Variants in ALOX5 observed in about 807,000 individuals in gnomAD.
The protein encoded by ALOX5 is arachidonate 5-lipoxygenase, also known as polyunsaturated fatty acid 5-lipoxygenase.
Under a neutral mutation model 87.9 loss-of-function variants are expected in ALOX5, and 64 were observed. The observed-to-expected ratio is 0.73, with a 90% CI of 0.60 to 0.90. The LOEUF (loss-of-function observed/expected upper bound fraction) is 0.90, where lower values mean the gene tolerates loss of function less well. Among genes scored for constraint, ALOX5 ranks in the 40% least tolerant of loss-of-function variants. ALOX5 has a pLI of 0.00. For synonymous variants in ALOX5, 388 were observed against 355.1 expected (o/e 1.09, Z -1.04); for missense variants, 822 against 907.5 (o/e 0.91, Z 1.21).
chr10:45,379,066 C>T (rs577920498), intron 1 of ALOX5, among the ~76,000 whole-genome samples: 246 of 152,260 alleles, frequency 1.6e-3, no homozygotes, highest in African/African-American at 5.6e-3. Flanking sequence ...TGTCCACTCC[C>T]TCAGAGAAGC....
chr10:45,428,814 C>T (rs1436903125), intron 7 of ALOX5, 50 bp downstream of exon 7: 2 of 1,603,598 alleles, frequency 1.2e-6, no homozygotes, highest in East Asian at 2.2e-5. Context: ...CCTCTGCGAT[C>T]CAGGGCTCCT....
intron 6 of ALOX5, 65 bp from the exon 7 acceptor site, chr10:45,428,553 C>T (rs1177834223): frequency 1.3e-6 from 2 of 1,597,666 alleles, no homozygotes; most frequent in South Asian, 1.1e-5. Context: ...ATCACTCTTT[C>T]CCCAGGCCTG....
chr10:45,413,224 C>T (rs1841138931), intron 4 of ALOX5, among the ~76,000 whole-genome samples: 1 of 152,156 alleles, frequency 6.6e-6, no homozygotes, highest in Non-Finnish European at 1.5e-5. Context: ...TCCAGCAGTA[C>T]ATCAGAAAGC....
chr10:45,444,237 G>C lies in ALOX5; in HGVS notation c.1796G>C (p.Cys599Ser). The C allele has an allele frequency of 6.4e-7, 1 of 1,555,244 alleles. No individual in the cohort carries two copies. Among genetic ancestry groups the C allele is most frequent in the Non-Finnish European group, 8.7e-7 (1 of 1,149,312 alleles). ...VDTLPDRGRS[C>S]WHLGAVWALS... is the part of the protein sequence containing the mutation. ...ACGCTGCCCGACCGCGGCCGCTCCT[G>C]CTGGCATCTGGGTGCAGTGTGGGCG... The change falls in exon 13 of 14, where the codon TGC becomes TCC. Residue 599 changes from cysteine (C) to serine (S), a missense_variant. Coordinates refer to ENST00000374391, the MANE Select transcript of ALOX5 (RefSeq NM_000698.5).
At chr10:45,443,001 G>C (rs995514178) in intron 9 of ALOX5, 37 bp from the exon 10 acceptor site, 2 of 1,588,006 alleles carry the variant, frequency 1.3e-6, no homozygotes, top group Non-Finnish European at 8.6e-7. Flanking sequence ...GCTGTGGGAG[G>C]AGCCACCCGC....
intron 3 of ALOX5, among the ~76,000 whole-genome samples, chr10:45,409,494 T>G (rs1840988145): frequency 6.9e-6 from 1 of 145,418 alleles, no homozygotes; most frequent in South Asian, 2.2e-4. Context: ...CCCCTTAGGA[T>G]CTCTCTGTCT....
Position 45,441,442 on chromosome 10 carries a change from C to T in ALOX5, c.1272+12C>T. 1 of 1,611,626 alleles carries T rather than the reference C, an allele frequency of 6.2e-7. No homozygotes were observed. On this transcript the variant is annotated intron_variant, in intron 9 of 13. Transcript: ENST00000374391. The stretch of plus-strand genomic sequence containing the variant: ...GCCTCTTTGACAAGGTGGGTGCCCT[C>T]CTACCCTACTTGTTGCCTGGAAGAG...
At chr10:45,398,758 C>A (rs776901462) in intron 3 of ALOX5, among the ~76,000 whole-genome samples, 1 of 152,146 alleles carries the variant, frequency 6.6e-6, no homozygotes, top group Non-Finnish European at 1.5e-5. Context: ...ATCAACACCA[C>A]AATGAGATAC....
At position 45,424,989 on chromosome 10, in the gene ALOX5, C is replaced by A. The variant is rs1276115705; in HGVS notation, c.691C>A (p.Leu231Met). ...GGTCATGAATCACTGGCAGGAAGAC[C>A]TGATGTTTGGCTACCAGTTCCTGAA... Reference protein sequence around the residue: ...ERVMNHWQEDLMFGYQFLNGC... With the variant: ...ERVMNHWQEDMMFGYQFLNGC... Residue 231 changes from leucine (L) to methionine (M), a missense_variant, in exon 6 of 14, where the codon CTG becomes ATG. Coordinates refer to ENST00000374391, the MANE Select transcript of ALOX5 (RefSeq NM_000698.5). 3 of 1,614,228 alleles carry A rather than the reference C, an allele frequency of 1.9e-6. No individual in the cohort carries two copies. The South Asian group carries it at 3.3e-5, about 18-fold the overall frequency.
intron 4 of ALOX5, among the ~76,000 whole-genome samples, chr10:45,419,556 G>A: frequency 6.6e-6 from 1 of 152,234 alleles, no homozygotes; most frequent in Non-Finnish European, 1.5e-5. Flanking sequence ...AGACGACCCA[G>A]CTACATGGAT....
At position 45,382,627 on chromosome 10, in the gene ALOX5, C is replaced by T. The variant is rs1184151327; in HGVS notation, c.295C>T (p.Pro99Ser). 3.1e-6 allele frequency: 5 copies of T among 1,613,950 alleles called. No homozygotes were observed. The highest frequency in any genetic ancestry group is 4.2e-6 in the Non-Finnish European group (5 of 1,180,006). Residue 99 changes from proline (P) to serine (S), a missense_variant, in exon 2 of 14, where the codon CCC (proline) becomes TCC (serine). Transcript: ENST00000374391. Reference protein sequence around the residue: ...KTPHGDYIEFPCYRWITGDVE... With the variant: ...KTPHGDYIEFSCYRWITGDVE... ...GCCCCACGGGGACTACATCGAGTTC[C>T]CCTGCTACCGCTGGATCACCGGCGA...
chr10:45,374,368 C>A lies in ALOX5; in HGVS notation c.89C>A (p.Ala30Glu). The change falls in exon 1 of 14, where the codon GCG becomes GAG. Residue 30 changes from alanine (A) to glutamate (E), a missense_variant. Coordinates refer to ENST00000374391, the MANE Select transcript of ALOX5 (RefSeq NM_000698.5). ...ATCTACCTCAGCCTCGTGGGCTCGG[C>A]GGGCTGCAGCGAGAAGCACCTGCTG... ...DYIYLSLVGSAGCSEKHLLDK... is the reference protein window; with the variant it reads ...DYIYLSLVGSEGCSEKHLLDK... 1 of 1,549,882 alleles carries A rather than the reference C, an allele frequency of 6.5e-7. No individual in the cohort carries two copies. The highest frequency in any genetic ancestry group is 8.7e-7 in the Non-Finnish European group (1 of 1,151,564).
In ALOX5 at chr10:45,424,065, C is replaced by T. The variant is rs766285713; in HGVS notation, c.579C>T (p.Arg193=). Residue 193 remains arginine (R), a synonymous_variant, in exon 5 of 14, where the codon CGC becomes CGT. Coordinates refer to ENST00000374391, the MANE Select transcript of ALOX5 (RefSeq NM_000698.5). ...GGATGGAGAACCTGTTCATCAACCG[C>T]TTCATGCACATGTTCCAGTCTTCTT... is the stretch of plus-strand genomic sequence containing the variant. ...SKAMENLFIN[R]FMHMFQSSWN... The T allele has an allele frequency of 6.2e-7, 1 of 1,614,208 alleles. No homozygotes were observed. The highest frequency in any genetic ancestry group is 8.5e-7 in the Non-Finnish European group (1 of 1,180,030).
intron 2 of ALOX5, among the ~76,000 whole-genome samples, chr10:45,393,008 G>A (rs11239507): frequency 0.47 from 70,929 of 151,924 alleles, 17,172 homozygotes; most frequent in East Asian, 0.68. Flanking sequence ...ATTCACAGCC[G>A]AATTCTACCA....
chr10:45,433,611 TAATC>T (rs1841978045), intron 7 of ALOX5, among the ~76,000 whole-genome samples: 1 of 152,174 alleles, frequency 6.6e-6, no homozygotes, highest in South Asian at 2.1e-4. Context: ...GCAAAATCAT[TAATC>T]AATACATGGA....
intron 10 of ALOX5, 93 bp from the exon 11 acceptor site, chr10:45,443,323 G>C (rs1411503989): frequency 3.2e-6 from 5 of 1,583,954 alleles, no homozygotes; most frequent in Non-Finnish European, 4.3e-6. Flanking sequence ...GGGACGGGGT[G>C]GGGGAGTCCC....
chr10:45,388,271 A>G (rs937724991), intron 2 of ALOX5, among the ~76,000 whole-genome samples: 1 of 152,362 alleles, frequency 6.6e-6, no homozygotes. Context: ...GGGGCAGGTC[A>G]TAGCCGAACA....
Position 45,443,228 on chromosome 10 carries a change from C to T in ALOX5, c.1451+12C>T, listed in dbSNP as rs774370583. The T allele has an allele frequency of 6.2e-6, 10 of 1,609,662 alleles. No homozygotes were observed. In the Admixed American group the frequency reaches 6.7e-5, roughly 11 times the overall value. On this transcript the variant is annotated intron_variant, in intron 10 of 13. Coordinates refer to ENST00000374391, the MANE Select transcript of ALOX5 (RefSeq NM_000698.5). ...GAAGCCATCAGGACGTGAGCGCCCG[C>T]GGGGCGGTGGTCCTGGGGGAGGAGC...
intron 12 of ALOX5, 53 bp from the exon 13 acceptor site, chr10:45,444,063 C>G: frequency 1.3e-6 from 2 of 1,490,376 alleles, no homozygotes; most frequent in South Asian, 1.3e-5. Context: ...CAGGGGGCAG[C>G]TGGGCAGCAG....
Sources: allele counts gnomAD v4.1 joint callset (sites outside exome capture counted in the v4.1 genomes callset), GRCh38; gene constraint gnomAD v4.1.1; transcripts MANE v1.5; gene names NCBI Gene and HGNC (gene_info 2026-07-23, HGNC 2026-07-21).